The following FLT1 variants were observed in gnomAD, a reference collection of about 807,000 sequenced individuals.
The protein encoded by FLT1 is vascular endothelial growth factor receptor 1.
In FLT1, 49 loss-of-function variants were observed where a neutral mutation model predicts 156.3. That is an observed-to-expected ratio of 0.31 (90% CI 0.25 to 0.40). The LOEUF (loss-of-function observed/expected upper bound fraction) is 0.40, where lower values mean the gene tolerates loss of function less well. FLT1 is among the 10% of genes least tolerant of loss of function. The pLI is 1.00. For synonymous variants in FLT1, 594 were observed against 583.8 expected, an observed-to-expected ratio of 1.02 and a Z score of -0.25; for missense variants, 1,322 against 1,637.2, an observed-to-expected ratio of 0.81 and a Z score of 3.32.
intron 1 of FLT1, among the ~76,000 whole-genome samples, chr13:28,493,243 C>A (rs1359877798): frequency 2.0e-5 from 3 of 152,144 alleles, no homozygotes; most frequent in Non-Finnish European, 4.4e-5. Context: ...TATTTAAATT[C>A]TCTAAGCAAT....
rs760336275 is a variant in FLT1, at chr13:28,329,588, G to T, written c.2707+27C>A. Reference sequence around the variant, plus strand: ...TCTCCCAGCCTGTGCAGGGGGAGACGGAGCCGGCCCTCCCCTTCTCCATTA... The same window carrying T: ...TCTCCCAGCCTGTGCAGGGGGAGACTGAGCCGGCCCTCCCCTTCTCCATTA... On this transcript the variant is annotated intron_variant, in intron 19 of 29. Coordinates refer to ENST00000282397, the MANE Select transcript of FLT1 (RefSeq NM_002019.4). The T allele has an allele frequency of 2.0e-6, 3 of 1,503,378 alleles. No individual in the cohort carries two copies. The South Asian group carries it at 3.4e-5, about 17-fold the overall frequency. 93.1% of individuals were successfully genotyped at this position (1,503,378 alleles called of 1,614,324 possible).
chr13:28,486,308 T>C (rs1425253395), intron 1 of FLT1, among the ~76,000 whole-genome samples: 1 of 152,216 alleles, frequency 6.6e-6, no homozygotes, highest in Non-Finnish European at 1.5e-5. Context: ...CAGTAGCTTT[T>C]CACAACAGTG....
chr13:28,389,680 T>A (rs1436568888), intron 13 of FLT1, 116 bp downstream of exon 13: 1 of 1,565,508 alleles, frequency 6.4e-7, no homozygotes, highest in South Asian at 1.2e-5. Flanking sequence ...ATGAGACAAC[T>A]GTTACTTTTT....
At position 28,303,205 on chromosome 13, in the gene FLT1, A is replaced by G. The variant is rs1007800627; in HGVS notation, c.3979T>C (p.Tyr1327His). The G allele has an allele frequency of 1.2e-6, 2 of 1,612,876 alleles. No homozygotes were observed. The highest frequency in any genetic ancestry group is 2.7e-5 in the African/African-American group (2 of 74,854). Residue 1327 changes from tyrosine (Y) to histidine (H), a missense_variant, in exon 30 of 30, where the codon TAC becomes CAC. Physicochemically the swap from Tyr to His is moderately conservative, Grantham distance 83. Coordinates refer to ENST00000282397, the MANE Select transcript of FLT1 (RefSeq NM_002019.4). ...GTGGAGTACAGGACCACCGAGTTGTAGTCTGGGGGCGGGGAGCAGCACGCG... is the reference window on the plus strand; with the variant it reads ...GTGGAGTACAGGACCACCGAGTTGTGGTCTGGGGGCGGGGAGCAGCACGCG... ...KIACCSPPPD[Y>H]NSVVLYSTPP...
chr13:28,357,429 G>A, intron 15 of FLT1, 125 bp downstream of exon 15: 5 of 960,934 alleles, frequency 5.2e-6, no homozygotes, highest in Non-Finnish European at 8.3e-6. Context: ...AGGGAGAGGG[G>A]AGAAGGAGGT....
In FLT1 at chr13:28,303,218, G is replaced by A; in HGVS notation, c.3966C>T (p.Ser1322=). ...CCACCGAGTTGTAGTCTGGGGGCGGGGAGCAGCACGCGATTTTCCTTTCCA... is the reference window on the plus strand; with the variant it reads ...CCACCGAGTTGTAGTCTGGGGGCGGAGAGCAGCACGCGATTTTCCTTTCCA... ...AELERKIACC[S]PPPDYNSVVL... Residue 1322 remains serine (S), a synonymous_variant, in exon 30 of 30, where the codon TCC becomes TCT. Coordinates refer to ENST00000282397, the MANE Select transcript of FLT1 (RefSeq NM_002019.4). 1 of 1,613,452 alleles carries A rather than the reference G, an allele frequency of 6.2e-7. No individual in the cohort carries two copies. Among genetic ancestry groups the A allele is most frequent in the South Asian group, 1.1e-5 (1 of 91,058 alleles).
intron 15 of FLT1, among the ~76,000 whole-genome samples, chr13:28,351,234 C>G (rs891865881): frequency 6.6e-6 from 1 of 152,114 alleles, no homozygotes; most frequent in Non-Finnish European, 1.5e-5. Context: ...TTCTCTGGTT[C>G]TATTGTTATT....
intron 12 of FLT1, among the ~76,000 whole-genome samples, chr13:28,392,377 A>G (rs1874791051): frequency 6.6e-6 from 1 of 152,186 alleles, no homozygotes; most frequent in Non-Finnish European, 1.5e-5. Flanking sequence ...ATCTTTTTAT[A>G]TTTGGGCCAT....
At chr13:28,359,701 A>G (rs531206756) in intron 14 of FLT1, among the ~76,000 whole-genome samples, 2 of 152,260 alleles carry the variant, frequency 1.3e-5, no homozygotes, top group African/African-American at 2.4e-5. Context: ...AAGGAAACCA[A>G]TAATCCTATT....
rs1555236474 is a variant in FLT1 at position 28,412,334 on chromosome 13, C to CTTTCT, written c.1437-6445_1437-6441dup. Among the ~76,000 whole-genome samples the CTTTCT allele has an allele frequency of 4.6e-3, 274 of 59,198 alleles. 15 individuals are homozygous for CTTTCT. Among genetic ancestry groups the CTTTCT allele is most frequent in the African/African-American group, 0.014 (244 of 17,390 alleles). 38.8% of individuals were successfully genotyped at this position (59,198 alleles called of 152,430 possible). A position where few individuals can be genotyped will look rare whatever the true frequency, so the allele number is the denominator to read the frequency against. On this transcript the variant is annotated intron_variant, in intron 10 of 29. Transcript: ENST00000282397. ...CTTTCTTTCTTTCTTTCTTTCTTTTCTTTCTTTCTTTCTTTCTCTTTCTTT... is the reference window on the plus strand; with the variant it reads ...CTTTCTTTCTTTCTTTCTTTCTTTTCTTTCTTTTCTTTCTTTCTTTCTCTTTCTTT...
chr13:28,463,668 G>C (rs1479697197), intron 3 of FLT1, among the ~76,000 whole-genome samples: 1 of 152,178 alleles, frequency 6.6e-6, no homozygotes, highest in African/African-American at 2.4e-5. Context: ...GAAATGGTTG[G>C]AGTTTTATTA....
intron 28 of FLT1, 55 bp from the exon 29 acceptor site, chr13:28,306,827 C>T (rs1870773540): frequency 3.5e-6 from 4 of 1,147,492 alleles, no homozygotes; most frequent in Middle Eastern, 1.9e-4. Flanking sequence ...GGGGTCCATG[C>T]TGAGCCTGAG....
At chr13:28,366,296 A>G (rs2137421409) in intron 14 of FLT1, among the ~76,000 whole-genome samples, 1 of 152,216 alleles carries the variant, frequency 6.6e-6, no homozygotes, top group East Asian at 1.9e-4. Flanking sequence ...GCCCCTTCCT[A>G]TCTTCCCAGC....
intron 3 of FLT1, among the ~76,000 whole-genome samples, chr13:28,451,568 T>C (rs1203310971): frequency 1.3e-5 from 2 of 148,890 alleles, no homozygotes; most frequent in Non-Finnish European, 1.5e-5. Flanking sequence ...CAGTGGGTTT[T>C]CCGAGAGGAC....
chr13:28,372,046 G>GTA (rs1873599241), intron 14 of FLT1, among the ~76,000 whole-genome samples: 20 of 56,798 alleles, frequency 3.5e-4, no homozygotes, highest in African/African-American at 1.5e-3. Flanking sequence ...GTGTGTGTGT[G>GTA]TGTATATATA....
chr13:28,445,301 A>G lies in FLT1; in HGVS notation c.389-6956T>C, dbSNP rs144703831. Among the ~76,000 whole-genome samples, 3 of 152,022 alleles carry G rather than the reference A, an allele frequency of 2.0e-5. No homozygotes were observed. The East Asian group carries it at 5.8e-4, about 29-fold the overall frequency. On this transcript the variant is annotated intron_variant, in intron 3 of 29. Transcript: ENST00000282397. The stretch of plus-strand genomic sequence containing the variant: ...GACCAGCCTGGCCAACATGGTGAAA[A>G]CCCATCTCTACTAAAAATACAAAAA...
chr13:28,372,597 T>TATATATATATATAC lies in FLT1; in HGVS notation c.2116+12287_2116+12288insGTATATATATATAT, dbSNP rs1873666022. 6.6e-5 allele frequency among the ~76,000 whole-genome samples: 7 copies of TATATATATATATAC among 106,406 alleles called. No individual in the cohort carries two copies. In the South Asian group the frequency reaches 2.3e-3, roughly 35 times the overall value. The allele number at this position is 106,406 out of a possible 152,430, so 69.8% of individuals were successfully genotyped here. On this transcript the variant is annotated intron_variant, in intron 14 of 29. Transcript: ENST00000282397. ...ATATATATATATATATATATATATA[T>TATATATATATATAC]ATATAGCTGGGTGCAGTGGCTCATG...
intron 18 of FLT1, among the ~76,000 whole-genome samples, chr13:28,330,717 A>T (rs149628144): frequency 0.095 from 14,181 of 148,774 alleles, 867 homozygotes; most frequent in South Asian, 0.14. Context: ...TTTATTTTTT[A>T]TTTTTATTTT....
chr13:28,303,917 G>A (rs938824792), intron 29 of FLT1, among the ~76,000 whole-genome samples: 6 of 152,114 alleles, frequency 3.9e-5, no homozygotes, highest in Non-Finnish European at 8.8e-5. Flanking sequence ...AAGAGGAAAC[G>A]TTTTAGTCAC....
Sources: gnomAD v4.1 joint callset for allele counts (sites outside exome capture counted in the v4.1 genomes callset) on GRCh38, gnomAD v4.1.1 for gene constraint, MANE v1.5 for transcripts, NCBI Gene and HGNC (gene_info 2026-07-23, HGNC 2026-07-21) for gene names.